DSCAM: variants seen among roughly 807,000 people sequenced by gnomAD.
The protein encoded by DSCAM is DS cell adhesion molecule.
Under a neutral mutation model 217.7 loss-of-function variants are expected in DSCAM, and 47 were observed. The ratio of observed to expected loss-of-function variants is 0.22; its 90% CI spans 0.17 to 0.28. The LOEUF is 0.28. Ranked by LOEUF, DSCAM falls within the 10% of genes least tolerant of loss-of-function variation. DSCAM has a pLI of 1.00. For synonymous variants in DSCAM, 1,056 were observed against 1,015.3 expected (o/e 1.04, Z -0.76); for missense variants, 2,080 against 2,618.3 (o/e 0.79, Z 4.49).
chr21:40,500,263 T>A (rs1051496546), intron 3 of DSCAM, among the ~76,000 whole-genome samples: 18 of 152,366 alleles, frequency 1.2e-4, no homozygotes, highest in African/African-American at 4.1e-4. Context: ...AGAAAGCCCT[T>A]TAAATACATA....
intron 1 of DSCAM, among the ~76,000 whole-genome samples, chr21:40,841,770 C>T (rs114498344): frequency 0.012 from 1,765 of 152,330 alleles, 39 homozygotes; most frequent in African/African-American, 0.035. Flanking sequence ...GGGGTTCCCT[C>T]GCGGCTTTGG....
intron 3 of DSCAM, among the ~76,000 whole-genome samples, chr21:40,569,457 A>G (rs959599944): frequency 2.6e-5 from 4 of 152,162 alleles, no homozygotes; most frequent in African/African-American, 9.7e-5. Context: ...TAAGAGGAAA[A>G]CTGAAGCTTC....
intron 3 of DSCAM, among the ~76,000 whole-genome samples, chr21:40,535,693 C>T (rs1055554863): frequency 7.2e-5 from 11 of 152,266 alleles, no homozygotes; most frequent in Middle Eastern, 3.4e-3. Context: ...CCTTGAGAAG[C>T]TCAAAGTCAG....
At chr21:40,299,062 T>C (rs2073986449) in intron 9 of DSCAM, among the ~76,000 whole-genome samples, 2 of 152,178 alleles carry the variant, frequency 1.3e-5, no homozygotes, top group African/African-American at 4.8e-5. Flanking sequence ...TCTTTGCTCA[T>C]AGATTGGAAT....
chr21:40,376,745 A>G (rs1341974576), intron 3 of DSCAM, among the ~76,000 whole-genome samples: 1 of 148,742 alleles, frequency 6.7e-6, no homozygotes, highest in Non-Finnish European at 1.5e-5. Flanking sequence ...TATATAAAGG[A>G]TTACATGCAG....
chr21:40,776,212 ATT>A (rs2091487002), intron 1 of DSCAM, among the ~76,000 whole-genome samples: 1 of 151,946 alleles, frequency 6.6e-6, no homozygotes, highest in Admixed American at 6.6e-5. Context: ...CTCTAATATA[ATT>A]TTTTATATTA....
At chr21:40,591,906 T>C (rs1158539958) in intron 3 of DSCAM, among the ~76,000 whole-genome samples, 4 of 152,206 alleles carry the variant, frequency 2.6e-5, no homozygotes, top group Admixed American at 2.0e-4. Flanking sequence ...AGAAACTACA[T>C]TATCTGCCCA....
intron 3 of DSCAM, among the ~76,000 whole-genome samples, chr21:40,401,193 C>A (rs2075230050): frequency 1.3e-5 from 2 of 152,150 alleles, no homozygotes; most frequent in East Asian, 1.9e-4. Flanking sequence ...GGAAAAGTAA[C>A]TTTTTTAAAG....
At chr21:40,252,485 A>G (rs533114040) in intron 11 of DSCAM, among the ~76,000 whole-genome samples, 1 of 152,170 alleles carries the variant, frequency 6.6e-6, no homozygotes, top group Non-Finnish European at 1.5e-5. Context: ...TCAGATCTTG[A>G]GTAGGAAAAA....
intron 3 of DSCAM, among the ~76,000 whole-genome samples, chr21:40,488,889 C>G (rs1411304110): frequency 6.6e-6 from 1 of 152,096 alleles, no homozygotes; most frequent in East Asian, 1.9e-4. Context: ...ACAGCGATTT[C>G]AAAGAGAATT....
At chr21:40,110,746 G>A (rs150448470) in intron 20 of DSCAM, among the ~76,000 whole-genome samples, 2,788 of 152,316 alleles carry the variant, frequency 0.018, 74 homozygotes, top group African/African-American at 0.057. Context: ...GAAAACCACA[G>A]CATGAGAACT....
At chr21:40,229,043 T>C (rs1214390303) in intron 11 of DSCAM, among the ~76,000 whole-genome samples, 4 of 152,218 alleles carry the variant, frequency 2.6e-5, no homozygotes, top group African/African-American at 9.6e-5. Flanking sequence ...GTTTGTAAAC[T>C]CCCACTTCAT....
chr21:40,822,440 T>C (rs1204618393), intron 1 of DSCAM, among the ~76,000 whole-genome samples: 1 of 147,514 alleles, frequency 6.8e-6, no homozygotes, highest in Non-Finnish European at 1.5e-5. Context: ...ATTACCTCTG[T>C]TTTTTTTTAA....
chr21:40,779,034 A>G (rs1255900346), intron 1 of DSCAM, among the ~76,000 whole-genome samples: 3 of 37,520 alleles, frequency 8.0e-5, no homozygotes, highest in Non-Finnish European at 1.4e-4. Flanking sequence ...CAAAAACAGA[A>G]AAAAAAAAAA....
At chr21:40,423,163 G>T (rs59449312) in intron 3 of DSCAM, among the ~76,000 whole-genome samples, 10,771 of 152,204 alleles carry the variant, frequency 0.071, 612 homozygotes, top group African/African-American at 0.16. Context: ...GGTAATTTAT[G>T]TACCCTCTTC....
intron 5 of DSCAM, among the ~76,000 whole-genome samples, chr21:40,348,619 C>T (rs898165942): frequency 2.0e-5 from 3 of 152,230 alleles, no homozygotes; most frequent in Non-Finnish European, 4.4e-5. Flanking sequence ...CTATCAACCA[C>T]ATTATTGCAA....
intron 3 of DSCAM, among the ~76,000 whole-genome samples, chr21:40,654,162 T>G (rs1174343205): frequency 2.0e-5 from 3 of 152,168 alleles, no homozygotes; most frequent in African/African-American, 4.8e-5. Flanking sequence ...AACTGTTAGC[T>G]TTTTAACCCA....
chr21:40,731,734 C>G (rs1047519535), intron 1 of DSCAM, among the ~76,000 whole-genome samples: 4 of 124,230 alleles, frequency 3.2e-5, no homozygotes, highest in Non-Finnish European at 7.0e-5. Context: ...CTGCACCCCC[C>G]CCCCCGCCCC....
intron 3 of DSCAM, among the ~76,000 whole-genome samples, chr21:40,534,169 T>C (rs1365812756): frequency 1.3e-5 from 2 of 152,346 alleles, no homozygotes; most frequent in Non-Finnish European, 1.5e-5. Flanking sequence ...GGTTAGAGTA[T>C]GTGAAATTTT....
Sources: gnomAD v4.1 joint callset for allele counts (sites outside exome capture counted in the v4.1 genomes callset) on GRCh38, gnomAD v4.1.1 for gene constraint, MANE v1.5 for transcripts, NCBI Gene and HGNC (gene_info 2026-07-23, HGNC 2026-07-21) for gene names.